The following PTBP3 variants were observed in gnomAD, a reference collection of about 807,000 sequenced individuals.
PTBP3 encodes polypyrimidine tract binding protein 3.
A neutral mutation model predicts 58.7 loss-of-function variants in PTBP3; 20 were observed. The observed-to-expected ratio is 0.34, with a 90% CI of 0.24 to 0.50. The LOEUF is 0.50. Among genes scored for constraint, PTBP3 ranks in the 20% least tolerant of loss-of-function variants. PTBP3 has a pLI of 0.98. For synonymous variants in PTBP3, 185 were observed against 219.8 expected, an observed-to-expected ratio of 0.84 and a Z score of 1.40; for missense variants, 509 against 637.2, an observed-to-expected ratio of 0.80 and a Z score of 2.17.
chr9:112,283,106 C>A (rs774892591), intron 2 of PTBP3, among the ~76,000 whole-genome samples: 1 of 152,172 alleles, frequency 6.6e-6, no homozygotes, highest in African/African-American at 2.4e-5. Flanking sequence ...TCAATTAAAC[C>A]TCTTTTCTTT....
intron 10 of PTBP3, among the ~76,000 whole-genome samples, chr9:112,229,363 A>G (rs898167217): frequency 2.0e-5 from 3 of 152,158 alleles, no homozygotes; most frequent in Non-Finnish European, 4.4e-5. Flanking sequence ...CAGGAATTCG[A>G]GACCAGCCTG....
Position 112,223,044 on chromosome 9 carries a change from A to T in PTBP3, c.*807T>A, listed in dbSNP as rs1834857601. 1 of 854,308 alleles carries T rather than the reference A, an allele frequency of 1.2e-6. No homozygotes were observed. The highest frequency in any genetic ancestry group is 1.4e-6 in the Non-Finnish European group (1 of 710,338). 52.9% of individuals were successfully genotyped at this position (854,308 alleles called of 1,614,324 possible). On this transcript the variant is annotated 3_prime_UTR_variant, in exon 14 of 14. Coordinates refer to ENST00000374257, the MANE Select transcript of PTBP3 (RefSeq NM_001163788.4). The stretch of plus-strand genomic sequence containing the variant: ...TTATTTTTCTTTAAAATTTTCCAAG[A>T]TCATATTACTTGACAAATAAGTGTC...
intron 8 of PTBP3, 135 bp downstream of exon 8, chr9:112,234,685 T>C (rs1264021054): frequency 1.4e-6 from 1 of 738,808 alleles, no homozygotes; most frequent in Non-Finnish European, 2.2e-6. Context: ...TACAAATCAC[T>C]ACACTTCTAC....
chr9:112,302,846 T>C (rs975201657), intron 1 of PTBP3, among the ~76,000 whole-genome samples: 24 of 152,156 alleles, frequency 1.6e-4, no homozygotes, highest in African/African-American at 5.8e-4. Context: ...CACCTCTGCC[T>C]CCTAAAGTTC....
chr9:112,278,045 A>G (rs938628920), intron 2 of PTBP3, among the ~76,000 whole-genome samples: 1 of 151,992 alleles, frequency 6.6e-6, no homozygotes, highest in Non-Finnish European at 1.5e-5. Context: ...AACAGGCACC[A>G]AATACCTAAA....
chr9:112,298,613 T>A (rs1828792549), intron 1 of PTBP3: 1 of 497,166 alleles, frequency 2.0e-6, no homozygotes, highest in Non-Finnish European at 4.0e-6. Context: ...CTATTTTAAA[T>A]AGTACTATTG....
chr9:112,335,047 T>C (rs767323956), upstream of PTBP3, among the ~76,000 whole-genome samples: 5 of 152,240 alleles, frequency 3.3e-5, no homozygotes, highest in Non-Finnish European at 7.3e-5. Context: ...GCTGATGCAG[T>C]CTTTCTATCA....
At chr9:112,232,072 A>G (rs750316997) in intron 9 of PTBP3, 27 bp downstream of exon 9, 2 of 1,578,320 alleles carry the variant, frequency 1.3e-6, no homozygotes, top group Non-Finnish European at 1.7e-6. Flanking sequence ...CTGAAAGACT[A>G]TTTACATATA....
At chr9:112,315,269 CATCTT>C (rs1829656227) in intron 1 of PTBP3, among the ~76,000 whole-genome samples, 1 of 151,212 alleles carries the variant, frequency 6.6e-6, no homozygotes, top group South Asian at 2.1e-4. Flanking sequence ...TGATACAAAA[CATCTT>C]ATCTGATCAA....
chr9:112,357,777 A>G, the PTBP3 span, among the ~76,000 whole-genome samples: 1 of 151,928 alleles, frequency 6.6e-6, no homozygotes. Context: ...TTTTTATGAC[A>G]TCGACATTTT....
At chr9:112,280,713 C>T (rs141478836) in intron 2 of PTBP3, among the ~76,000 whole-genome samples, 34 of 152,070 alleles carry the variant, frequency 2.2e-4, no homozygotes, top group Admixed American at 3.9e-4. Flanking sequence ...TTGGTCATGA[C>T]ACATGTACCA....
chr9:112,282,775 T>A (rs1055174311), intron 2 of PTBP3, among the ~76,000 whole-genome samples: 8 of 152,190 alleles, frequency 5.3e-5, no homozygotes, highest in African/African-American at 1.9e-4. Flanking sequence ...AAACTTATTT[T>A]AGGACCCGGA....
chr9:112,335,810 A>G (rs1437793306), upstream of PTBP3, among the ~76,000 whole-genome samples: 1 of 147,756 alleles, frequency 6.8e-6, no homozygotes, highest in East Asian at 2.1e-4. Flanking sequence ...CTGTAATCCC[A>G]GCTACTCAGG....
intron 1 of PTBP3, among the ~76,000 whole-genome samples, chr9:112,317,627 A>G (rs1829758907): frequency 6.6e-6 from 1 of 152,198 alleles, no homozygotes; most frequent in South Asian, 2.1e-4. Context: ...AAATTACTAC[A>G]GATCCTACAA....
chr9:112,328,830 T>C (rs1830257413), intron 1 of PTBP3, among the ~76,000 whole-genome samples: 1 of 152,048 alleles, frequency 6.6e-6, no homozygotes, highest in African/African-American at 2.4e-5. Context: ...GTCCAACAAA[T>C]GCAAATAAAG....
chr9:112,258,751 T>C (rs1447056069), intron 5 of PTBP3, among the ~76,000 whole-genome samples: 2 of 152,162 alleles, frequency 1.3e-5, no homozygotes, highest in Non-Finnish European at 1.5e-5. Flanking sequence ...CCCGTAACTA[T>C]AGCCCCAGCT....
the PTBP3 span, among the ~76,000 whole-genome samples, chr9:112,364,632 C>T: frequency 2.0e-5 from 3 of 152,056 alleles, no homozygotes; most frequent in African/African-American, 7.2e-5. Context: ...GACCCTGTCT[C>T]TATTTTTAAA....
At chr9:112,371,584 A>G in the PTBP3 span, among the ~76,000 whole-genome samples, 1 of 151,552 alleles carries the variant, frequency 6.6e-6, no homozygotes, top group African/African-American at 2.4e-5. Context: ...GTATTTCTCA[A>G]TTCATAGATC....
chr9:112,254,627 T>C (rs13301075), intron 5 of PTBP3, among the ~76,000 whole-genome samples: 4,603 of 152,284 alleles, frequency 0.03, 101 homozygotes, highest in Middle Eastern at 0.044. Context: ...CACAAAAAGA[T>C]GCTCAATATC....
Sources: gnomAD v4.1 joint callset for allele counts (sites outside exome capture counted in the v4.1 genomes callset) on GRCh38, gnomAD v4.1.1 for gene constraint, MANE v1.5 for transcripts, NCBI Gene and HGNC (gene_info 2026-07-23, HGNC 2026-07-21) for gene names.